The following TAFA1 variants were observed in gnomAD, a reference collection of about 807,000 sequenced individuals.
TAFA1 encodes the protein TAFA chemokine like family member 1.
TAFA1 carries 4 observed loss-of-function variants against 18.5 expected under a neutral mutation model. The observed-to-expected ratio is 0.22, with a 90% CI of 0.11 to 0.49. TAFA1 has a LOEUF of 0.49. Among genes scored for constraint, TAFA1 ranks in the 20% least tolerant of loss-of-function variants. The probability of loss-of-function intolerance (pLI) is 0.98; values close to 1 mark genes in which losing one functional copy is unlikely to be tolerated. For missense variants in TAFA1, 147 were observed against 169.0 expected, an observed-to-expected ratio of 0.87 and a Z score of 0.72; for synonymous variants, 56 against 55.2, an observed-to-expected ratio of 1.01 and a Z score of -0.06.
Position 68,233,557 on chromosome 3 carries a change from C to A in TAFA1, c.119-183723C>A, listed in dbSNP as rs377237346. On this transcript the variant is annotated intron_variant, in intron 2 of 4. Transcript: ENST00000478136. The stretch of plus-strand genomic sequence containing the variant: ...AGCTTTGAAGTCAGGTCGTGTGATA[C>A]CTCCAGTTTTGTCCTTTTTGCTCAA... Among the ~76,000 whole-genome samples, 6 of 152,210 alleles carry A rather than the reference C, an allele frequency of 3.9e-5. No individual in the cohort carries two copies. In the South Asian group the frequency reaches 1.2e-3, roughly 32 times the overall value.
intron 3 of TAFA1, among the ~76,000 whole-genome samples, chr3:68,471,890 C>T (rs1369225926): frequency 6.6e-6 from 1 of 152,146 alleles, no homozygotes; most frequent in Non-Finnish European, 1.5e-5. Flanking sequence ...TCTGAGTGTA[C>T]CCCCATTGTA....
intron 2 of TAFA1, among the ~76,000 whole-genome samples, chr3:68,242,261 C>T (rs1476125636): frequency 6.6e-6 from 1 of 152,142 alleles, no homozygotes; most frequent in African/African-American, 2.4e-5. Flanking sequence ...AAGAACGTTT[C>T]TAATGAACCC....
chr3:68,393,763 T>C (rs2070313731), intron 2 of TAFA1, among the ~76,000 whole-genome samples: 1 of 151,912 alleles, frequency 6.6e-6, no homozygotes, highest in African/African-American at 2.4e-5. Context: ...TGACAAAAAT[T>C]ACGTGATTAT....
chr3:68,034,552 T>C (rs541690734), intron 2 of TAFA1, among the ~76,000 whole-genome samples: 1 of 152,344 alleles, frequency 6.6e-6, no homozygotes, highest in Admixed American at 6.5e-5. Flanking sequence ...GACTCTATTG[T>C]GACCTAGCTT....
At chr3:68,462,580 T>C (rs1311196413) in intron 3 of TAFA1, among the ~76,000 whole-genome samples, 3 of 152,212 alleles carry the variant, frequency 2.0e-5, no homozygotes, top group Non-Finnish European at 4.4e-5. Flanking sequence ...AAGACTAATA[T>C]AGTAACTGAT....
At chr3:68,310,367 G>A (rs2068494392) in intron 2 of TAFA1, among the ~76,000 whole-genome samples, 1 of 152,064 alleles carries the variant, frequency 6.6e-6, no homozygotes, top group South Asian at 2.1e-4. Flanking sequence ...AAAAGTGTTT[G>A]TAATTTTTTC....
At chr3:68,496,804 G>A (rs4855485) in intron 3 of TAFA1, among the ~76,000 whole-genome samples, 74,822 of 151,888 alleles carry the variant, frequency 0.49, 18,830 homozygotes, top group Admixed American at 0.56. Context: ...TCTATGGTGG[G>A]GGTGATACCA....
intron 2 of TAFA1, among the ~76,000 whole-genome samples, chr3:68,032,103 T>G (rs780089140): frequency 2.9e-4 from 44 of 152,182 alleles, no homozygotes; most frequent in Non-Finnish European, 5.6e-4. Context: ...CATGTTTTTT[T>G]CAGACCATTT....
At chr3:68,232,144 A>G (rs887348221) in intron 2 of TAFA1, among the ~76,000 whole-genome samples, 9 of 152,296 alleles carry the variant, frequency 5.9e-5, no homozygotes, top group Admixed American at 4.6e-4. Context: ...CTATACTACT[A>G]TAGGACACTG....
intron 3 of TAFA1, among the ~76,000 whole-genome samples, chr3:68,433,995 GA>G (rs1374212276): frequency 6.6e-6 from 1 of 152,058 alleles, no homozygotes; most frequent in Non-Finnish European, 1.5e-5. Context: ...GTGTATCACA[GA>G]CTCAATTGAC....
the TAFA1 span, among the ~76,000 whole-genome samples, chr3:67,993,777 T>C: frequency 6.6e-6 from 1 of 152,156 alleles, no homozygotes; most frequent in Non-Finnish European, 1.5e-5. Context: ...AAATCTAATA[T>C]TTTTATGTGA....
At chr3:68,352,596 G>A (rs2069289175) in intron 2 of TAFA1, among the ~76,000 whole-genome samples, 1 of 152,038 alleles carries the variant, frequency 6.6e-6, no homozygotes. Flanking sequence ...AGGGAGGACA[G>A]AAAGCATTCT....
rs566605201 is a variant in TAFA1 at position 68,544,811 on chromosome 3, GTA to G, written c.*323_*324del. 235 of 156,474 alleles carry G rather than the reference GTA, an allele frequency of 1.5e-3. 1 individual carries two copies. Among genetic ancestry groups the G allele is most frequent in the African/African-American group, 3.1e-3 (127 of 40,938 alleles). The allele number at this position is 156,474 out of a possible 1,614,324, so 9.7% of individuals were successfully genotyped here. ...TTACTTTGTACCATTTGAAATATAT[GTA>G]TATATATATATATAATATTTTGAAA... On this transcript the variant is annotated 3_prime_UTR_variant, in exon 5 of 5. Coordinates refer to ENST00000478136, the MANE Select transcript of TAFA1 (RefSeq NM_213609.4).
intron 3 of TAFA1, among the ~76,000 whole-genome samples, chr3:68,511,509 A>C (rs1433894614): frequency 6.6e-6 from 1 of 152,134 alleles, no homozygotes; most frequent in Non-Finnish European, 1.5e-5. Context: ...TATTGAATTG[A>C]GACAATCCAG....
chr3:68,440,483 A>G (rs879657686), intron 3 of TAFA1, among the ~76,000 whole-genome samples: 1 of 152,190 alleles, frequency 6.6e-6, no homozygotes, highest in Non-Finnish European at 1.5e-5. Context: ...GTTTTTAACA[A>G]AAGGAGGAGG....
intron 2 of TAFA1, among the ~76,000 whole-genome samples, chr3:68,187,096 A>T (rs2066280606): frequency 6.6e-6 from 1 of 151,972 alleles, no homozygotes; most frequent in African/African-American, 2.4e-5. Flanking sequence ...GAAACCTTGA[A>T]TTCTGAGTAA....
At chr3:68,528,639 A>G (rs1013377041) in intron 3 of TAFA1, among the ~76,000 whole-genome samples, 3 of 152,202 alleles carry the variant, frequency 2.0e-5, no homozygotes, top group African/African-American at 7.2e-5. Flanking sequence ...AGTTCTAGCC[A>G]TTGCTTTAAA....
chr3:68,270,179 C>G (rs1181518412), intron 2 of TAFA1, among the ~76,000 whole-genome samples: 1 of 152,160 alleles, frequency 6.6e-6, no homozygotes, highest in Non-Finnish European at 1.5e-5. Context: ...CCGGCACTAA[C>G]TGATTGCGCC....
At chr3:68,101,119 C>T (rs2106817282) in intron 2 of TAFA1, among the ~76,000 whole-genome samples, 1 of 152,102 alleles carries the variant, frequency 6.6e-6, no homozygotes, top group African/African-American at 2.4e-5. Flanking sequence ...GGTATTGAGC[C>T]TAGTACCCAT....
Sources: allele counts gnomAD v4.1 joint callset (sites outside exome capture counted in the v4.1 genomes callset), GRCh38; gene constraint gnomAD v4.1.1; transcripts MANE v1.5; gene names NCBI Gene and HGNC (gene_info 2026-07-23, HGNC 2026-07-21).